The following RABGAP1 variants were observed in gnomAD, a reference collection of about 807,000 sequenced individuals.
RABGAP1 encodes RAB GTPase activating protein 1.
A neutral mutation model predicts 137.6 loss-of-function variants in RABGAP1; 23 were observed. The ratio of observed to expected loss-of-function variants is 0.17; its 90% CI spans 0.12 to 0.24. RABGAP1 has a LOEUF of 0.24. Ranked by LOEUF, RABGAP1 falls within the 10% of genes least tolerant of loss-of-function variation. RABGAP1 has a pLI of 1.00. For synonymous variants in RABGAP1, 451 were observed against 450.7 expected, an observed-to-expected ratio of 1.00 and a Z score of -0.01; for missense variants, 906 against 1,275.8, an observed-to-expected ratio of 0.71 and a Z score of 4.42.
chr9:123,082,636 A>G (rs1434546480), intron 19 of RABGAP1, among the ~76,000 whole-genome samples: 1 of 152,190 alleles, frequency 6.6e-6, no homozygotes, highest in Non-Finnish European at 1.5e-5. Context: ...AGACCTGAGG[A>G]CTTGGCCATT....
intron 19 of RABGAP1, among the ~76,000 whole-genome samples, chr9:123,088,818 G>A (rs1031245535): frequency 1.3e-5 from 2 of 152,206 alleles, no homozygotes; most frequent in Admixed American, 6.5e-5. Context: ...AGAGAATAAA[G>A]GGAGAAAAGA....
intron 2 of RABGAP1, among the ~76,000 whole-genome samples, chr9:122,964,640 C>T (rs530184528): frequency 4.6e-5 from 7 of 152,062 alleles, no homozygotes; most frequent in Non-Finnish European, 7.4e-5. Flanking sequence ...GTGATTCTTC[C>T]CCCGCCTAAG....
At chr9:123,053,392 A>G (rs1486249772) in intron 13 of RABGAP1, among the ~76,000 whole-genome samples, 1 of 152,198 alleles carries the variant, frequency 6.6e-6, no homozygotes, top group Non-Finnish European at 1.5e-5. Context: ...TTAGGAGAGA[A>G]TTATTTTACC....
intron 3 of RABGAP1, among the ~76,000 whole-genome samples, chr9:122,985,198 T>G (rs1836304501): frequency 6.6e-6 from 1 of 152,194 alleles, no homozygotes; most frequent in South Asian, 2.1e-4. Context: ...AAGACTCATT[T>G]GGAAAAGCAG....
chr9:122,951,299 G>A (rs1834229652), intron 1 of RABGAP1, among the ~76,000 whole-genome samples: 1 of 152,114 alleles, frequency 6.6e-6, no homozygotes, highest in South Asian at 2.1e-4. Flanking sequence ...CTTACTGGGA[G>A]GTGGTTTTGC....
intron 2 of RABGAP1, among the ~76,000 whole-genome samples, chr9:122,964,947 G>C (rs1835059771): frequency 6.6e-6 from 1 of 152,116 alleles, no homozygotes; most frequent in Admixed American, 6.5e-5. Flanking sequence ...AGTGCGTTGT[G>C]ATCATAACCA....
At chr9:122,977,586 A>G (rs751675905) in intron 2 of RABGAP1, among the ~76,000 whole-genome samples, 1 of 152,146 alleles carries the variant, frequency 6.6e-6, no homozygotes, top group Non-Finnish European at 1.5e-5. Flanking sequence ...CATGCCTGTA[A>G]TCTCAGCTAC....
chr9:122,999,791 C>G lies in RABGAP1; in HGVS notation c.1374+1025C>G, dbSNP rs534460963. ...ACTTTTTTTCCTGCCCATCTCTCTTCTCTTTGATTCTGGGATTGTAATTAT... is the reference window on the plus strand; with the variant it reads ...ACTTTTTTTCCTGCCCATCTCTCTTGTCTTTGATTCTGGGATTGTAATTAT... On this transcript the variant is annotated intron_variant, in intron 10 of 25. Coordinates refer to ENST00000373647, the MANE Select transcript of RABGAP1 (RefSeq NM_012197.4). 3.3e-5 allele frequency among the ~76,000 whole-genome samples: 5 copies of G among 151,138 alleles called. No homozygotes were observed. The East Asian group carries it at 9.7e-4, about 29-fold the overall frequency.
intron 1 of RABGAP1, among the ~76,000 whole-genome samples, chr9:122,951,464 A>G (rs192548267): frequency 9.3e-4 from 141 of 152,346 alleles, no homozygotes; most frequent in African/African-American, 3.2e-3. Flanking sequence ...TGATTGTTCA[A>G]GAACCGACTG....
intron 21 of RABGAP1, among the ~76,000 whole-genome samples, chr9:123,092,631 C>T (rs1053933251): frequency 5.9e-5 from 5 of 84,600 alleles, no homozygotes; most frequent in Admixed American, 2.1e-4. Flanking sequence ...ATGTCATAAC[C>T]GTATCAAAAA....
At position 122,984,778 on chromosome 9, in the gene RABGAP1, C is replaced by T. The variant is rs201492116; in HGVS notation, c.385+59C>T. 2.0e-4 allele frequency: 288 copies of T among 1,444,528 alleles called. 1 individual carries two copies. In the Middle Eastern group the frequency reaches 2.8e-3, roughly 14 times the overall value. 89.5% of individuals were successfully genotyped at this position (1,444,528 alleles called of 1,614,324 possible). ...GTTATTGTTTTTAATATGTGAGTGTCCACCCTGTACTAGGTTTTATTTAGA... is the reference window on the plus strand; with the variant it reads ...GTTATTGTTTTTAATATGTGAGTGTTCACCCTGTACTAGGTTTTATTTAGA... On this transcript the variant is annotated intron_variant, in intron 3 of 25. Transcript: ENST00000373647.
chr9:123,063,919 C>G lies in RABGAP1; in HGVS notation c.1795-1429C>G, dbSNP rs2034072978. ...TGTCGTTTATTTATAATTCATATCT[C>G]ATAGCGACCCCTCTTCTAACTCTTC... On this transcript the variant is annotated intron_variant, in intron 13 of 25. Coordinates refer to ENST00000373647, the MANE Select transcript of RABGAP1 (RefSeq NM_012197.4). Among the ~76,000 whole-genome samples the G allele has an allele frequency of 3.9e-5, 6 of 152,290 alleles. No homozygotes were observed. The South Asian group carries it at 1.2e-3, about 32-fold the overall frequency.
intron 5 of RABGAP1, 38 bp from the exon 6 acceptor site, chr9:122,990,016 CTT>C (rs1836586738): frequency 6.6e-7 from 1 of 1,509,616 alleles, no homozygotes; most frequent in Non-Finnish European, 9.1e-7. Flanking sequence ...TATTTTATAT[CTT>C]TTGATAACAG....
At chr9:123,044,046 G>A (rs140487594) in intron 13 of RABGAP1, among the ~76,000 whole-genome samples, 1,549 of 151,726 alleles carry the variant, frequency 0.01, 5 homozygotes, top group Non-Finnish European at 0.015. Flanking sequence ...GACTACAGGC[G>A]CCCACCACCA....
intron 2 of RABGAP1, among the ~76,000 whole-genome samples, chr9:122,969,375 A>G (rs991947561): frequency 6.6e-6 from 1 of 152,198 alleles, no homozygotes; most frequent in Admixed American, 6.5e-5. Flanking sequence ...GTGATGCATG[A>G]TTGTGTTTTG....
At chr9:123,097,981 C>G (rs1436248095) in intron 22 of RABGAP1, 136 bp downstream of exon 22, 3 of 682,206 alleles carry the variant, frequency 4.4e-6, no homozygotes, top group Non-Finnish European at 7.3e-6. Context: ...TTTTTTCCCC[C>G]TACTGTGTAA....
rs1835897796 is a variant in RABGAP1 at position 122,978,817 on chromosome 9, G to A, written c.151-5668G>A. ...ACCAGCAATGTACGAGGGTTTTCTA[G>A]TCGCTCCTTATTCTTGCCAGCCCTT... On this transcript the variant is annotated intron_variant, in intron 2 of 25. Transcript: ENST00000373647. Among the ~76,000 whole-genome samples, 3 of 152,092 alleles carry A rather than the reference G, an allele frequency of 2.0e-5. No homozygotes were observed. The South Asian group carries it at 6.2e-4, about 32-fold the overall frequency.
chr9:122,979,183 C>T (rs1304493159), intron 2 of RABGAP1, among the ~76,000 whole-genome samples: 4 of 152,200 alleles, frequency 2.6e-5, no homozygotes, highest in African/African-American at 9.6e-5. Flanking sequence ...TAGGCATGAA[C>T]CACTGCGCCC....
chr9:123,036,734 G>A (rs1234263423), intron 13 of RABGAP1, among the ~76,000 whole-genome samples: 1 of 151,860 alleles, frequency 6.6e-6, no homozygotes, highest in Non-Finnish European at 1.5e-5. Context: ...CACATTTGAA[G>A]AGGAGAAGGG....
Sources: allele counts gnomAD v4.1 joint callset (sites outside exome capture counted in the v4.1 genomes callset), GRCh38; gene constraint gnomAD v4.1.1; transcripts MANE v1.5; gene names NCBI Gene and HGNC (gene_info 2026-07-23, HGNC 2026-07-21).